Variants in RDH13 observed in about 807,000 individuals in gnomAD.
The protein encoded by RDH13 is retinol dehydrogenase 13.
A neutral mutation model predicts 28.3 loss-of-function variants in RDH13; 35 were observed. The observed-to-expected ratio is 1.24, with a 90% CI of 0.95 to 1.64. The LOEUF (loss-of-function observed/expected upper bound fraction) is 1.64. Among genes scored for constraint, RDH13 ranks in the 40% most tolerant of loss-of-function variants. The probability of loss-of-function intolerance (pLI) is 0.00; values close to 1 mark genes in which losing one functional copy is unlikely to be tolerated. For missense variants in RDH13, 514 were observed against 446.3 expected (o/e 1.15, Z -1.37); for synonymous variants, 229 against 198.5 (o/e 1.15, Z -1.29).
chr19:55,061,821 T>A (rs1469442609), intron 1 of RDH13, among the ~76,000 whole-genome samples: 1 of 146,594 alleles, frequency 6.8e-6, no homozygotes, highest in African/African-American at 2.5e-5. Flanking sequence ...ATGATAATCA[T>A]AAGATCCTTC....
Position 55,056,597 on chromosome 19 carries a change from T to C in RDH13, c.340+56A>G. The C allele has an allele frequency of 3.1e-6, 5 of 1,588,556 alleles. No homozygotes were observed. The Middle Eastern group carries it at 6.7e-4, about 212-fold the overall frequency. On this transcript the variant is annotated intron_variant, in intron 3 of 6. Coordinates refer to ENST00000415061, the MANE Select transcript of RDH13 (RefSeq NM_001145971.2). ...CTTGCTTCATTCACTTCTCAGAGCC[T>C]GGCCCTGGGAGCCGCCTATCCCAGT...
intron 3 of RDH13, among the ~76,000 whole-genome samples, chr19:55,053,088 G>T (rs2124090): frequency 0.15 from 22,130 of 152,010 alleles, 1,856 homozygotes; most frequent in African/African-American, 0.22. Flanking sequence ...CTTTCTAGTC[G>T]GGAGCTGGGA....
intron 1 of RDH13, among the ~76,000 whole-genome samples, chr19:55,062,098 C>T (rs1205299278): frequency 6.8e-6 from 1 of 148,122 alleles, no homozygotes; most frequent in Non-Finnish European, 1.5e-5. Context: ...GCCTGGGCAA[C>T]AACAGCGAAA....
intron 2 of RDH13, among the ~76,000 whole-genome samples, chr19:55,058,674 T>G (rs1295246690): frequency 6.6e-6 from 1 of 151,880 alleles, no homozygotes; most frequent in Non-Finnish European, 1.5e-5. Flanking sequence ...AATGCCCTTT[T>G]TTTTGTTTTG....
Position 55,044,753 on chromosome 19 carries a change from C to G in RDH13, c.*321G>C, listed in dbSNP as rs974159452. 3.2e-5 allele frequency: 12 copies of G among 379,164 alleles called. No individual in the cohort carries two copies. Among genetic ancestry groups the G allele is most frequent in the Middle Eastern group, 6.7e-4 (1 of 1,482 alleles). The allele number at this position is 379,164 out of a possible 1,614,324, so 23.5% of individuals were successfully genotyped here. On this transcript the variant is annotated 3_prime_UTR_variant, in exon 7 of 7. Coordinates refer to ENST00000415061, the MANE Select transcript of RDH13 (RefSeq NM_001145971.2). ...CCTTGGAACCCTCCCCGACAGGCAC[C>G]GCTGGCTCTCCTGACGTGGCCTGCA... is the stretch of plus-strand genomic sequence containing the variant.
At chr19:55,063,399 C>T, upstream of RDH13, 1 of 274,926 alleles carries the variant, frequency 3.6e-6, no homozygotes, top group Admixed American at 5.3e-5. Context: ...CGAATCCCAC[C>T]ACTGTCAATT....
chr19:55,050,201 C>T (rs1443067055), intron 3 of RDH13, among the ~76,000 whole-genome samples: 4 of 151,778 alleles, frequency 2.6e-5, no homozygotes, highest in Non-Finnish European at 5.9e-5. Flanking sequence ...ACTGCAACCT[C>T]TGCCTCCCAG....
At chr19:55,041,670 T>C (rs1290013825), downstream of RDH13, 2 of 152,236 alleles carry the variant, frequency 1.3e-5, no homozygotes, top group African/African-American at 2.4e-5. Context: ...CGGGTGCCAC[T>C]TGGGTGCTTT....
chr19:55,066,321 T>TC (rs776442226), upstream of RDH13, among the ~76,000 whole-genome samples: 99 of 152,236 alleles, frequency 6.5e-4, no homozygotes, highest in Admixed American at 1.2e-3. Flanking sequence ...CCCTTTGCTT[T>TC]CCCCATCAGA....
upstream of RDH13, among the ~76,000 whole-genome samples, chr19:55,067,892 T>C (rs111501245): frequency 9.6e-4 from 10 of 10,450 alleles, no homozygotes; most frequent in African/African-American, 3.2e-3. Flanking sequence ...CTCTCCCTCT[T>C]TCTCTCCCCC....
intron 5 of RDH13, chr19:55,048,015 C>G: frequency 7.2e-7 from 1 of 1,391,384 alleles, no homozygotes; most frequent in Non-Finnish European, 9.4e-7. Context: ...TTGACAACTG[C>G]GGGTCAAAAC....
intron 3 of RDH13, among the ~76,000 whole-genome samples, chr19:55,054,093 C>A (rs1047169551): frequency 6.6e-6 from 1 of 152,172 alleles, no homozygotes; most frequent in African/African-American, 2.4e-5. Context: ...TGCACCTGCA[C>A]CTGCCTCCCT....
intron 3 of RDH13, among the ~76,000 whole-genome samples, chr19:55,051,814 C>T (rs1000644972): frequency 4.0e-5 from 6 of 151,820 alleles, no homozygotes; most frequent in African/African-American, 1.4e-4. Flanking sequence ...CTCACAGCAA[C>T]CTCCGCCGCC....
chr19:55,062,511 G>A (rs930369404), intron 1 of RDH13, among the ~76,000 whole-genome samples: 11 of 152,006 alleles, frequency 7.2e-5, no homozygotes, highest in African/African-American at 2.2e-4. Flanking sequence ...GCAAAACCCC[G>A]TCTCTGCGAA....
At chr19:55,061,000 T>C (rs996493336) in intron 1 of RDH13, among the ~76,000 whole-genome samples, 10 of 152,054 alleles carry the variant, frequency 6.6e-5, no homozygotes, top group African/African-American at 2.4e-4. Context: ...TAGAGTCAGG[T>C]TCCTTCTGGA....
intron 5 of RDH13, among the ~76,000 whole-genome samples, chr19:55,047,808 G>A (rs1039519705): frequency 2.0e-5 from 3 of 152,166 alleles, no homozygotes; most frequent in Non-Finnish European, 4.4e-5. Flanking sequence ...GGCTGGCACC[G>A]CTGGTCCACA....
chr19:55,067,080 C>T (rs1049088562), upstream of RDH13: 1 of 152,078 alleles, frequency 6.6e-6, no homozygotes, highest in African/African-American at 2.4e-5. Context: ...GGAATGATTG[C>T]TGTAGGTTTA....
chr19:55,054,670 G>A (rs1210399999), intron 3 of RDH13, among the ~76,000 whole-genome samples: 1 of 152,130 alleles, frequency 6.6e-6, no homozygotes, highest in African/African-American at 2.4e-5. Context: ...TCGGGCTCAA[G>A]TGATCCTCTT....
chr19:55,052,063 CTT>C (rs111427426), intron 3 of RDH13, among the ~76,000 whole-genome samples: 4 of 120,780 alleles, frequency 3.3e-5, no homozygotes, highest in East Asian at 2.1e-4. Context: ...ACTGCCTCAA[CTT>C]TTTTTTTTTT....
Sources: allele counts gnomAD v4.1 joint callset (sites outside exome capture counted in the v4.1 genomes callset), GRCh38; gene constraint gnomAD v4.1.1; transcripts MANE v1.5; gene names NCBI Gene and HGNC (gene_info 2026-07-23, HGNC 2026-07-21).